Variants in PCNX2 observed in about 807,000 individuals in gnomAD.
PCNX2 encodes the protein pecanex 2.
A neutral mutation model predicts 223.8 loss-of-function variants in PCNX2; 168 were observed. That is an observed-to-expected ratio of 0.75 (90% CI 0.66 to 0.85). PCNX2 has a LOEUF of 0.85. Among genes scored for constraint, PCNX2 ranks in the 40% least tolerant of loss-of-function variants. PCNX2 has a pLI of 0.00. For synonymous variants in PCNX2, 1,006 were observed against 1,052.6 expected (o/e 0.96, Z 0.86); for missense variants, 2,507 against 2,675.5 (o/e 0.94, Z 1.39).
rs751784703 is a variant in PCNX2 at position 232,986,449 on chromosome 1, C to T, written c.5883G>A (p.Glu1961=). The T allele has an allele frequency of 3.4e-5, 55 of 1,607,252 alleles. No homozygotes were observed. The highest frequency in any genetic ancestry group is 3.7e-5 in the Non-Finnish European group (43 of 1,176,814). Residue 1961 remains glutamate, a synonymous_variant, in exon 33 of 34, where the codon GAG becomes GAA. Transcript: ENST00000258229. ...PMLSSSGPIL[E]SRQTFLQTST... The stretch of plus-strand genomic sequence containing the variant: ...ACGTCTGGAGGAATGTTTGGCGGCT[C>T]TCTAAGATGGGGCCAGATGAGCTCA...
intron 21 of PCNX2, among the ~76,000 whole-genome samples, chr1:233,107,254 G>C (rs113139815): frequency 1.3e-5 from 2 of 151,854 alleles, no homozygotes; most frequent in Non-Finnish European, 2.9e-5. Flanking sequence ...AATTAACAAG[G>C]TTGGGTGCAG....
At chr1:233,105,489 A>G (rs772735677) in intron 21 of PCNX2, among the ~76,000 whole-genome samples, 13 of 152,244 alleles carry the variant, frequency 8.5e-5, no homozygotes, top group Non-Finnish European at 1.3e-4. Context: ...GGCATTAAAC[A>G]AGATGAATCT....
Position 233,149,888 on chromosome 1 carries a change from T to TTATATA in PCNX2, c.3518-10039_3518-10034dup, listed in dbSNP as rs10636256. 6.9e-4 allele frequency among the ~76,000 whole-genome samples: 104 copies of TTATATA among 149,698 alleles called. No individual in the cohort carries two copies. The East Asian group carries it at 0.011, about 17-fold the overall frequency. On this transcript the variant is annotated intron_variant, in intron 19 of 33. Coordinates refer to ENST00000258229, the MANE Select transcript of PCNX2 (RefSeq NM_014801.4). ...CCTCCACTTATCCTTAAGCCTCAAT[T>TTATATA]TATATATATATAAATTTTTTTCTAC...
At chr1:233,054,690 G>A in intron 24 of PCNX2, 2 of 514,456 alleles carry the variant, frequency 3.9e-6, no homozygotes, top group South Asian at 2.8e-5. Context: ...GTAATTTATA[G>A]GCCATAAGCA....
At chr1:233,158,326 C>T (rs1380482930) in intron 19 of PCNX2, among the ~76,000 whole-genome samples, 2 of 152,096 alleles carry the variant, frequency 1.3e-5, no homozygotes, top group Non-Finnish European at 2.9e-5. Context: ...TTGCACACCC[C>T]AAGGTATTTA....
At chr1:233,030,369 T>C (rs541647314) in intron 25 of PCNX2, among the ~76,000 whole-genome samples, 15 of 152,206 alleles carry the variant, frequency 9.9e-5, no homozygotes, top group Non-Finnish European at 2.2e-4. Flanking sequence ...TGGTGGAAAC[T>C]TTTTTCTATT....
intron 10 of PCNX2, among the ~76,000 whole-genome samples, chr1:233,226,357 C>A (rs950942205): frequency 6.6e-6 from 1 of 152,174 alleles, no homozygotes; most frequent in Non-Finnish European, 1.5e-5. Context: ...GCAGCCTCCG[C>A]CTCCTGGGTT....
chr1:233,140,663 TTC>T (rs1677051273), intron 19 of PCNX2, among the ~76,000 whole-genome samples: 1 of 152,196 alleles, frequency 6.6e-6, no homozygotes, highest in Non-Finnish European at 1.5e-5. Flanking sequence ...GCCCGTGCTT[TTC>T]TCTCTGGGGA....
intron 13 of PCNX2, among the ~76,000 whole-genome samples, chr1:233,200,666 T>C (rs965723726): frequency 6.6e-6 from 1 of 151,104 alleles, no homozygotes; most frequent in African/African-American, 2.4e-5. Context: ...AAGAGTAGAC[T>C]TGGACATGGG....
At chr1:233,235,077 C>G (rs945268175) in intron 9 of PCNX2, among the ~76,000 whole-genome samples, 5 of 152,048 alleles carry the variant, frequency 3.3e-5, no homozygotes, top group Non-Finnish European at 7.4e-5. Flanking sequence ...TGCTCCCCTC[C>G]TCAGAAGTGC....
intron 22 of PCNX2, among the ~76,000 whole-genome samples, chr1:233,092,934 G>GGC (rs1673949185): frequency 6.6e-6 from 1 of 152,110 alleles, no homozygotes; most frequent in Admixed American, 6.5e-5. Flanking sequence ...CAGTAGCTGG[G>GGC]TACACAGGCG....
intron 9 of PCNX2, among the ~76,000 whole-genome samples, chr1:233,233,731 A>G (rs1257022322): frequency 6.6e-6 from 1 of 151,808 alleles, no homozygotes; most frequent in Non-Finnish European, 1.5e-5. Flanking sequence ...AGAGGCAGGG[A>G]GGATGGGGGA....
chr1:233,047,113 C>T (rs553682604), intron 25 of PCNX2, among the ~76,000 whole-genome samples: 2 of 152,312 alleles, frequency 1.3e-5, no homozygotes, highest in East Asian at 3.9e-4. Context: ...CTAGACCTCC[C>T]AGCCTGGCTC....
the PCNX2 span, among the ~76,000 whole-genome samples, chr1:233,320,050 A>G: frequency 6.6e-6 from 1 of 152,186 alleles, no homozygotes; most frequent in Non-Finnish European, 1.5e-5. Context: ...GTTGCAATAT[A>G]TTGTCCTGGC....
chr1:233,257,910 C>T, intron 5 of PCNX2, 118 bp downstream of exon 5: 3 of 1,352,302 alleles, frequency 2.2e-6, no homozygotes, highest in Non-Finnish European at 2.9e-6. Flanking sequence ...AGCCAAGCAA[C>T]AAACGATTGC....
chr1:233,068,750 GAAA>G (rs1445147297), intron 23 of PCNX2, among the ~76,000 whole-genome samples: 3 of 151,712 alleles, frequency 2.0e-5, no homozygotes, highest in Non-Finnish European at 2.9e-5. Context: ...ATAGAATTCT[GAAA>G]AATGTTCAAG....
At chr1:233,170,974 C>T (rs989984551) in intron 17 of PCNX2, among the ~76,000 whole-genome samples, 7 of 152,282 alleles carry the variant, frequency 4.6e-5, no homozygotes, top group African/African-American at 1.2e-4. Flanking sequence ...TTCCTTTGTG[C>T]GTCACGTTGG....
intron 8 of PCNX2, among the ~76,000 whole-genome samples, chr1:233,247,288 G>A (rs1168823907): frequency 6.6e-6 from 1 of 152,222 alleles, no homozygotes; most frequent in African/African-American, 2.4e-5. Context: ...TATATGTCCT[G>A]TGACCAAATG....
rs1054900383 is a variant in PCNX2 at position 232,990,651 on chromosome 1, C to T, written c.5792-4111G>A. ...TCTGCTGAGCCCAGATCATGCTTAC[C>T]ACCCAGCCCAGCACCTCAGAGGTTT... is the stretch of plus-strand genomic sequence containing the variant. On this transcript the variant is annotated intron_variant, in intron 32 of 33. Coordinates refer to ENST00000258229, the MANE Select transcript of PCNX2 (RefSeq NM_014801.4). This position sits in a 1 kb window ranked among gnomAD's most constrained non-coding sequence, Gnocchi z 4.3. 6.6e-6 allele frequency among the ~76,000 whole-genome samples: 1 copy of T among 152,196 alleles called. No homozygotes were observed. The highest frequency in any genetic ancestry group is 1.5e-5 in the Non-Finnish European group (1 of 68,036).
Sources: gnomAD v4.1 joint callset for allele counts (sites outside exome capture counted in the v4.1 genomes callset) on GRCh38, gnomAD v4.1.1 for gene constraint, Gnocchi (gnomAD v3.1) non-coding constraint, MANE v1.5 for transcripts, NCBI Gene and HGNC (gene_info 2026-07-23, HGNC 2026-07-21) for gene names.